The following GSG1L variants were observed in gnomAD, a reference collection of about 807,000 sequenced individuals.
GSG1L encodes GSG1 like, also known as germ cell-specific gene 1-like protein.
Under a neutral mutation model 42.1 loss-of-function variants are expected in GSG1L, and 24 were observed. That is an observed-to-expected ratio of 0.57 (90% CI 0.41 to 0.80). GSG1L has a LOEUF of 0.80. GSG1L is among the 30% of genes least tolerant of loss of function. GSG1L has a pLI of 0.00. For synonymous variants in GSG1L, 215 were observed against 203.5 expected (o/e 1.06, Z -0.48); for missense variants, 445 against 472.2 (o/e 0.94, Z 0.53).
chr16:27,884,016 C>T lies in GSG1L; in HGVS notation c.550+470G>A, dbSNP rs1243686551. ...TTCGACTTCCCATGCAGCATCTCCA[C>T]GTGGAGTTCTCAAAGCCAGATGAGC... On this transcript the variant is annotated intron_variant, in intron 3 of 6. Transcript: ENST00000447459. This position sits in a 1 kb window ranked among gnomAD's most constrained non-coding sequence, Gnocchi z 4.4. Among the ~76,000 whole-genome samples, 1 of 152,220 alleles carries T rather than the reference C, an allele frequency of 6.6e-6. No individual in the cohort carries two copies.
intron 1 of GSG1L, among the ~76,000 whole-genome samples, chr16:28,005,127 T>C (rs1465994842): frequency 6.6e-6 from 1 of 152,172 alleles, no homozygotes; most frequent in Non-Finnish European, 1.5e-5. Flanking sequence ...CTCTCCTTTT[T>C]TTTGAGATGG....
chr16:27,935,049 G>T (rs144344418), intron 2 of GSG1L, among the ~76,000 whole-genome samples: 1 of 152,350 alleles, frequency 6.6e-6, no homozygotes, highest in East Asian at 1.9e-4. Context: ...GGATTTGCAG[G>T]AGGGACAAAG....
At chr16:27,871,821 T>A (rs2083825140) in intron 3 of GSG1L, among the ~76,000 whole-genome samples, 1 of 152,188 alleles carries the variant, frequency 6.6e-6, no homozygotes, top group African/African-American at 2.4e-5. Flanking sequence ...ATAGAAAATG[T>A]CTAGAATAGG....
intron 1 of GSG1L, among the ~76,000 whole-genome samples, chr16:28,036,262 C>G (rs1482018822): frequency 6.6e-6 from 1 of 152,184 alleles, no homozygotes; most frequent in African/African-American, 2.4e-5. Flanking sequence ...CTCACTACCA[C>G]CTCCCGAAGC....
At chr16:27,843,912 G>T (rs1343489501) in intron 4 of GSG1L, among the ~76,000 whole-genome samples, 1 of 152,184 alleles carries the variant, frequency 6.6e-6, no homozygotes, top group African/African-American at 2.4e-5. Flanking sequence ...AGAACAAGAG[G>T]CCCTTTCTCT....
intron 1 of GSG1L, among the ~76,000 whole-genome samples, chr16:28,009,097 C>A (rs896028645): frequency 1.3e-5 from 2 of 152,180 alleles, no homozygotes; most frequent in Non-Finnish European, 2.9e-5. Context: ...GAGTAAGCCA[C>A]GGTGCTTGGC....
At chr16:27,802,908 G>C (rs2082900110) in intron 6 of GSG1L, among the ~76,000 whole-genome samples, 1 of 151,708 alleles carries the variant, frequency 6.6e-6, no homozygotes, top group South Asian at 2.1e-4. Flanking sequence ...TCCTGCCTTG[G>C]CCTTTCAAAG....
intron 2 of GSG1L, among the ~76,000 whole-genome samples, chr16:27,959,052 T>C (rs1454966634): frequency 6.6e-6 from 1 of 152,198 alleles, no homozygotes; most frequent in Non-Finnish European, 1.5e-5. Context: ...TTTGGTCTCA[T>C]GGTTCCTGGC....
chr16:27,953,906 TG>T (rs1417597714), intron 2 of GSG1L, among the ~76,000 whole-genome samples: 2 of 152,110 alleles, frequency 1.3e-5, no homozygotes, highest in Non-Finnish European at 2.9e-5. Flanking sequence ...AAGATATTTA[TG>T]AAACAAAAGA....
At chr16:27,940,887 A>G (rs937387675) in intron 2 of GSG1L, among the ~76,000 whole-genome samples, 4 of 151,782 alleles carry the variant, frequency 2.6e-5, no homozygotes, top group Non-Finnish European at 4.4e-5. Context: ...AATAAAAATA[A>G]AAAATAAATA....
intron 1 of GSG1L, among the ~76,000 whole-genome samples, chr16:28,017,121 A>T (rs1176270261): frequency 6.6e-6 from 1 of 152,124 alleles, no homozygotes; most frequent in African/African-American, 2.4e-5. Context: ...CTTATTGGAA[A>T]CTCCAAAATC....
Position 27,953,794 on chromosome 16 carries a change from G to A in GSG1L, c.397+9362C>T, listed in dbSNP as rs1413064605. ...CTCGGAAGGCTGAGGCAGGAGAATT[G>A]CTGGTACCCAGGAGGCAGAGGCTGC... On this transcript the variant is annotated intron_variant, in intron 2 of 6. Coordinates refer to ENST00000447459, the MANE Select transcript of GSG1L (RefSeq NM_001109763.2). 5.3e-5 allele frequency among the ~76,000 whole-genome samples: 8 copies of A among 152,272 alleles called. No individual in the cohort carries two copies. The East Asian group carries it at 1.4e-3, about 26-fold the overall frequency.
In GSG1L at chr16:27,888,400, C is replaced by CTTT. The variant is rs1567505469; in HGVS notation, c.398-3763_398-3762insAAA. Among the ~76,000 whole-genome samples the CTTT allele has an allele frequency of 2.2e-3, 284 of 130,622 alleles. 33 individuals are homozygous for CTTT. Among genetic ancestry groups the CTTT allele is most frequent in the African/African-American group, 9.0e-3 (271 of 30,114 alleles). The allele number at this position is 130,622 out of a possible 152,430, so 85.7% of individuals were successfully genotyped here. A position where few individuals can be genotyped will look rare whatever the true frequency, so the allele number is the denominator to read the frequency against. ...TGGTTCTTTCTTTCTTTTCTTTTCT[C>CTTT]CTTCTTTCTTTCTTTCTTTCTTTCT... On this transcript the variant is annotated intron_variant, in intron 2 of 6. Coordinates refer to ENST00000447459, the MANE Select transcript of GSG1L (RefSeq NM_001109763.2).
chr16:28,021,304 T>C (rs2085840114), intron 1 of GSG1L, among the ~76,000 whole-genome samples: 1 of 152,072 alleles, frequency 6.6e-6, no homozygotes, highest in African/African-American at 2.4e-5. Flanking sequence ...AAACTCAGGG[T>C]TGGGGAGACA....
At chr16:27,837,441 G>A (rs1423425798) in intron 4 of GSG1L, among the ~76,000 whole-genome samples, 1 of 152,198 alleles carries the variant, frequency 6.6e-6, no homozygotes, top group African/African-American at 2.4e-5. Flanking sequence ...AGGTGAGGGT[G>A]GGGGTGGGAG....
intron 1 of GSG1L, among the ~76,000 whole-genome samples, chr16:28,002,647 G>A (rs2085590424): frequency 6.6e-6 from 1 of 151,906 alleles, no homozygotes; most frequent in Non-Finnish European, 1.5e-5. Context: ...AAGAAAAAAA[G>A]AGGCCAGGCG....
intron 3 of GSG1L, 115 bp from the exon 4 acceptor site, chr16:27,845,176 C>A: frequency 1.5e-6 from 1 of 662,130 alleles, no homozygotes; most frequent in South Asian, 1.9e-5. Context: ...CTGTGGAGAA[C>A]AGGGACCTCT....
At chr16:27,799,158 C>A (rs2082853418) in intron 6 of GSG1L, among the ~76,000 whole-genome samples, 1 of 151,568 alleles carries the variant, frequency 6.6e-6, no homozygotes, top group African/African-American at 2.4e-5. Context: ...AATCCCAGCA[C>A]TTTGAAAGGC....
chr16:27,804,155 G>C (rs1045581374), intron 6 of GSG1L, among the ~76,000 whole-genome samples: 1 of 151,960 alleles, frequency 6.6e-6, no homozygotes, highest in Non-Finnish European at 1.5e-5. Context: ...AAAATGCCCC[G>C]GGCTCCCTGC....
Sources: gnomAD v4.1 joint callset for allele counts (sites outside exome capture counted in the v4.1 genomes callset) on GRCh38, gnomAD v4.1.1 for gene constraint, Gnocchi (gnomAD v3.1) non-coding constraint, MANE v1.5 for transcripts, NCBI Gene and HGNC (gene_info 2026-07-23, HGNC 2026-07-21) for gene names.